Variants in SLF2 observed in about 807,000 individuals in gnomAD.
The protein encoded by SLF2 is SMC5/6 complex localization factor 2, also known as SMC5-SMC6 complex localization factor protein 2.
SLF2 carries 68 observed loss-of-function variants against 124.3 expected under a neutral mutation model. The ratio of observed to expected loss-of-function variants is 0.55; its 90% confidence interval spans 0.45 to 0.67. The LOEUF (loss-of-function observed/expected upper bound fraction) is 0.67, where lower values mean the gene tolerates loss of function less well. Ranked by LOEUF, SLF2 falls within the 30% of genes least tolerant of loss-of-function variation. The pLI is 0.00. For synonymous variants in SLF2, 480 were observed against 478.8 expected (o/e 1.00, Z -0.03); for missense variants, 1,246 against 1,373.7 (o/e 0.91, Z 1.47).
At chr10:100,916,299 T>G (rs1156792802) in intron 2 of SLF2, among the ~76,000 whole-genome samples, 1 of 152,172 alleles carries the variant, frequency 6.6e-6, no homozygotes, top group Non-Finnish European at 1.5e-5. Context: ...ACTATTTTGA[T>G]TCTCTAATAC....
At chr10:100,926,618 AGTG>A (rs1849620024) in intron 6 of SLF2, 1 of 163,404 alleles carries the variant, frequency 6.1e-6, no homozygotes, top group Admixed American at 6.5e-5. Flanking sequence ...AAAAAAAAAA[AGTG>A]GGGGGCCAGG....
rs1200636964 is a variant in SLF2, at chr10:100,924,556, A to G, written c.1555A>G (p.Thr519Ala). ...KECSGHSTESTKHKEHKAKTN... is the reference protein window; with the variant it reads ...KECSGHSTESAKHKEHKAKTN... The stretch of plus-strand genomic sequence containing the variant: ...ATGTTCTGGGCATTCTACAGAATCC[A>G]CCAAACACAAGGAACACAAAGCAAA... Residue 519 changes from threonine to alanine, a missense_variant, in exon 5 of 20, where the codon ACC becomes GCC. Thr to Ala is a moderately conservative substitution (Grantham distance 58, BLOSUM62 0). Coordinates refer to ENST00000238961, the MANE Select transcript of SLF2 (RefSeq NM_018121.4). 2.4e-5 allele frequency: 39 copies of G among 1,614,138 alleles called. No homozygotes were observed. Among genetic ancestry groups the G allele is most frequent in the Non-Finnish European group, 3.3e-5 (39 of 1,180,024 alleles).
rs1202571897 is a variant in SLF2 at position 100,963,859 on chromosome 10, C to G, written c.*1947C>G. On this transcript the variant is annotated 3_prime_UTR_variant, in exon 20 of 20. Transcript: ENST00000238961. ...CATCAAATTTAAAACCACTTTGATA[C>G]ATTTTTATTTAACAGTTCCAATAAG... is the stretch of plus-strand genomic sequence containing the variant. 5.9e-5 allele frequency: 9 copies of G among 152,130 alleles called. No individual in the cohort carries two copies. The highest frequency in any genetic ancestry group is 5.9e-4 in the Admixed American group (9 of 15,228). The allele number at this position is 152,130 out of a possible 1,614,324, so 9.4% of individuals were successfully genotyped here. A position where few individuals can be genotyped will look rare whatever the true frequency, so the allele number is the denominator to read the frequency against.
chr10:100,945,431 G>T lies in SLF2; in HGVS notation c.2859G>T (p.Leu953=). ...TTAAAATGAGTTTGGAAAAACAGCTGAAACAGATTCCTTTAGTAGACTTTC... is the reference window on the plus strand; with the variant it reads ...TTAAAATGAGTTTGGAAAAACAGCTTAAACAGATTCCTTTAGTAGACTTTC... ...MLFKMSLEKQ[L]KQIPLVDFQS... is the part of the protein sequence containing the mutation. The change falls in exon 13 of 20, where the codon CTG becomes CTT. Residue 953 remains leucine, a synonymous_variant. Transcript: ENST00000238961. 6.3e-7 allele frequency: 1 copy of T among 1,597,920 alleles called. No homozygotes were observed. Among genetic ancestry groups the T allele is most frequent in the Admixed American group, 1.8e-5 (1 of 54,372 alleles).
At chr10:100,933,359 C>T (rs913964636) in intron 9 of SLF2, among the ~76,000 whole-genome samples, 4 of 152,208 alleles carry the variant, frequency 2.6e-5, no homozygotes, top group African/African-American at 9.7e-5. Flanking sequence ...AACACTTTCC[C>T]TGTGTAAGAC....
At chr10:100,953,901 C>G (rs1850274010) in intron 17 of SLF2, among the ~76,000 whole-genome samples, 1 of 152,074 alleles carries the variant, frequency 6.6e-6, no homozygotes, top group Admixed American at 6.5e-5. Flanking sequence ...ATCCACCCGC[C>G]TCAGCCTCCC....
At chr10:100,960,027 A>G (rs868686076) in intron 19 of SLF2, among the ~76,000 whole-genome samples, 10 of 152,354 alleles carry the variant, frequency 6.6e-5, no homozygotes, top group Middle Eastern at 3.4e-3. Context: ...TATTCTGGAC[A>G]TCGGTAAATG....
intron 10 of SLF2, 39 bp from the exon 11 acceptor site, chr10:100,938,556 C>A: frequency 6.3e-7 from 1 of 1,580,946 alleles, no homozygotes; most frequent in Non-Finnish European, 8.6e-7. Context: ...GGTTTGTAGA[C>A]CACAGATTTA....
Position 100,924,541 on chromosome 10 carries a change from C to T in SLF2, c.1540C>T (p.His514Tyr), listed in dbSNP as rs895741686. Residue 514 changes from histidine (H) to tyrosine (Y), a missense_variant, in exon 5 of 20, where the codon CAT becomes TAT. By Grantham distance (83) the His-to-Tyr change is moderately conservative. This residue lies in a region of SLF2 where 698 missense variants were observed against 708.9 expected (regional missense o/e 0.98). Transcript: ENST00000238961. Reference protein sequence around the residue: ...ERSSSKECSGHSTESTKHKEH... With the variant: ...ERSSSKECSGYSTESTKHKEH... The stretch of plus-strand genomic sequence containing the variant: ...TTCCTCATCTAAAGAATGTTCTGGG[C>T]ATTCTACAGAATCCACCAAACACAA... 4 of 1,614,082 alleles carry T rather than the reference C, an allele frequency of 2.5e-6. No individual in the cohort carries two copies. In the African/African-American group the frequency reaches 5.3e-5, roughly 22 times the overall value.
At chr10:100,913,517 T>C in intron 1 of SLF2, 1 of 1,250,930 alleles carries the variant, frequency 8.0e-7, no homozygotes, top group Non-Finnish European at 1.0e-6. Context: ...AAGAAAGTGA[T>C]TTTTTTCCTT....
rs756434597 is a variant in SLF2 at position 100,938,756 on chromosome 10, T to A, written c.2654+20T>A. On this transcript the variant is annotated intron_variant, in intron 11 of 19. Transcript: ENST00000238961. The stretch of plus-strand genomic sequence containing the variant: ...TCTAGTGTAAGTTTTCTCATCATAA[T>A]TAACGCCAAAAATATCATTTCGTAC... 4.4e-6 allele frequency: 7 copies of A among 1,576,888 alleles called. No individual in the cohort carries two copies. Among genetic ancestry groups the A allele is most frequent in the Non-Finnish European group, 6.0e-6 (7 of 1,165,568 alleles).
chr10:100,917,661 C>CA (rs1388583173), intron 3 of SLF2, among the ~76,000 whole-genome samples: 2 of 152,186 alleles, frequency 1.3e-5, no homozygotes, highest in Non-Finnish European at 1.5e-5. Flanking sequence ...ATTGCAGTCT[C>CA]AAACTCCTGG....
At chr10:100,936,801 A>C (rs999747694) in intron 9 of SLF2, among the ~76,000 whole-genome samples, 1 of 151,934 alleles carries the variant, frequency 6.6e-6, no homozygotes, top group African/African-American at 2.4e-5. Context: ...GTCATGCTGT[A>C]TACTAAAAAG....
chr10:100,913,518 T>C (rs1244893009), intron 1 of SLF2: 1 of 1,251,544 alleles, frequency 8.0e-7, no homozygotes, highest in Admixed American at 4.0e-5. Flanking sequence ...AGAAAGTGAT[T>C]TTTTTCCTTT....
At chr10:100,935,825 A>C (rs1849837510) in intron 9 of SLF2, among the ~76,000 whole-genome samples, 1 of 148,844 alleles carries the variant, frequency 6.7e-6, no homozygotes, top group Non-Finnish European at 1.5e-5. Context: ...ATTACCAATT[A>C]GTTGTTTTGG....
chr10:100,957,159 TAA>T (rs1255237667), intron 18 of SLF2, among the ~76,000 whole-genome samples: 1 of 152,162 alleles, frequency 6.6e-6, no homozygotes, highest in Non-Finnish European at 1.5e-5. Flanking sequence ...CCTTCATGCT[TAA>T]GTTACCATCA....
chr10:100,932,741 A>T (rs1007583693), intron 9 of SLF2, among the ~76,000 whole-genome samples: 2 of 151,666 alleles, frequency 1.3e-5, no homozygotes, highest in African/African-American at 2.4e-5. Flanking sequence ...GCGCGCGCAC[A>T]TTTGTAAATG....
chr10:100,931,727 C>G (rs1468673829), intron 9 of SLF2, among the ~76,000 whole-genome samples: 1 of 152,124 alleles, frequency 6.6e-6, no homozygotes, highest in East Asian at 1.9e-4. Flanking sequence ...GGAGTGGTGG[C>G]TCATGCCTGC....
chr10:100,959,315 G>T, intron 18 of SLF2, 113 bp from the exon 19 acceptor site: 2 of 827,376 alleles, frequency 2.4e-6, no homozygotes, highest in Non-Finnish European at 3.5e-6. Context: ...AAATCAAATT[G>T]AGTTGTTGAG....
Sources: allele counts gnomAD v4.1 joint callset (sites outside exome capture counted in the v4.1 genomes callset), GRCh38; gene constraint gnomAD v4.1.1; regional missense constraint gnomAD v4.1.1; transcripts MANE v1.5; gene names NCBI Gene and HGNC (gene_info 2026-07-23, HGNC 2026-07-21).